The following LRFN5 variants were observed in gnomAD, a reference collection of about 807,000 sequenced individuals.
The protein encoded by LRFN5 is leucine-rich repeat and fibronectin type-III domain-containing protein 5.
Under a neutral mutation model 45.6 loss-of-function variants are expected in LRFN5, and 24 were observed. The ratio of observed to expected loss-of-function variants is 0.53; its 90% CI spans 0.38 to 0.74. The LOEUF (loss-of-function observed/expected upper bound fraction) is 0.74. Among genes scored for constraint, LRFN5 ranks in the 30% least tolerant of loss-of-function variants. The probability of loss-of-function intolerance (pLI) is 0.00; values close to 1 mark genes in which losing one functional copy is unlikely to be tolerated. For synonymous variants in LRFN5, 340 were observed against 313.8 expected, an observed-to-expected ratio of 1.08 and a Z score of -0.88; for missense variants, 776 against 861.5, an observed-to-expected ratio of 0.90 and a Z score of 1.24.
At chr14:41,890,765 A>G (rs1370461923) in intron 3 of LRFN5, among the ~76,000 whole-genome samples, 2 of 151,994 alleles carry the variant, frequency 1.3e-5, no homozygotes, top group East Asian at 1.9e-4. Context: ...GTATATATTT[A>G]CTGGGTGCCA....
At chr14:41,799,143 G>A (rs541649458) in intron 2 of LRFN5, among the ~76,000 whole-genome samples, 131 of 152,084 alleles carry the variant, frequency 8.6e-4, no homozygotes, top group African/African-American at 2.8e-3. Context: ...ATTGACTAGT[G>A]AACTTAGCTC....
rs568964983 is a variant in LRFN5 at position 41,660,218 on chromosome 14, G to T, written c.-197+51656G>T. Reference sequence around the variant, plus strand: ...TTTTTGTATTTTTAATAGTGAGGAGGTTTCTTCATGTTAGCCTGGCTGGTC... The same window carrying T: ...TTTTTGTATTTTTAATAGTGAGGAGTTTTCTTCATGTTAGCCTGGCTGGTC... On this transcript the variant is annotated intron_variant, in intron 1 of 5. Transcript: ENST00000298119. 1.3e-5 allele frequency among the ~76,000 whole-genome samples: 2 copies of T among 152,034 alleles called. 1 individual carries two copies. Among genetic ancestry groups the T allele is most frequent in the South Asian group, 4.2e-4 (2 of 4,812 alleles).
At chr14:41,856,064 G>A (rs1660420866) in intron 2 of LRFN5, among the ~76,000 whole-genome samples, 1 of 152,116 alleles carries the variant, frequency 6.6e-6, no homozygotes. Context: ...AAGGAGTTAA[G>A]TTTAACATCA....
intron 2 of LRFN5, among the ~76,000 whole-genome samples, chr14:41,789,360 C>A (rs1886838136): frequency 6.6e-6 from 1 of 151,904 alleles, no homozygotes; most frequent in Admixed American, 6.6e-5. Context: ...GATTAGATCA[C>A]ATGGAGGATT....
At chr14:41,659,806 T>C (rs959735151) in intron 1 of LRFN5, among the ~76,000 whole-genome samples, 2 of 152,144 alleles carry the variant, frequency 1.3e-5, no homozygotes, top group Non-Finnish European at 2.9e-5. Flanking sequence ...TGGCCAATGA[T>C]GATGAGCTTT....
chr14:41,772,191 G>C (rs1035644791), intron 2 of LRFN5, among the ~76,000 whole-genome samples: 19 of 152,080 alleles, frequency 1.2e-4, no homozygotes, highest in African/African-American at 4.6e-4. Context: ...CATCACCAAG[G>C]AGATAGCACT....
intron 1 of LRFN5, among the ~76,000 whole-genome samples, chr14:41,697,820 G>A (rs931058024): frequency 2.6e-5 from 4 of 151,720 alleles, no homozygotes; most frequent in African/African-American, 9.7e-5. Context: ...ATTTTATGTA[G>A]TTGATAATGT....
chr14:41,779,677 G>T (rs1886413698), intron 2 of LRFN5, among the ~76,000 whole-genome samples: 1 of 151,828 alleles, frequency 6.6e-6, no homozygotes, highest in South Asian at 2.1e-4. Flanking sequence ...CAGATTATCT[G>T]ACTCTCTTGG....
At chr14:41,724,204 A>G (rs1883838821) in intron 1 of LRFN5, among the ~76,000 whole-genome samples, 1 of 152,158 alleles carries the variant, frequency 6.6e-6, no homozygotes, top group African/African-American at 2.4e-5. Context: ...CTTTCTCAAA[A>G]TACAACTGAC....
chr14:41,778,363 T>C (rs1427331893), intron 2 of LRFN5, among the ~76,000 whole-genome samples: 2 of 151,680 alleles, frequency 1.3e-5, no homozygotes, highest in African/African-American at 4.8e-5. Context: ...TGTAATTGGC[T>C]TATCTTCTTC....
At chr14:41,736,116 T>C (rs184528569) in intron 1 of LRFN5, among the ~76,000 whole-genome samples, 1 of 152,300 alleles carries the variant, frequency 6.6e-6, no homozygotes, top group Admixed American at 6.5e-5. Flanking sequence ...TTTGGTTATA[T>C]ACCCAGCAAT....
In LRFN5 at chr14:41,887,442, T is replaced by A. The variant is rs1566505852; in HGVS notation, c.817T>A (p.Tyr273Asn). ...CASPPLLTGR[Y>N]FWSIPEEEFL... is the part of the protein sequence containing the mutation. ...TTCTCCTCCACTTTTAACTGGCCGCTACTTTTGGTCAATTCCTGAAGAAGA... is the reference window on the plus strand; with the variant it reads ...TTCTCCTCCACTTTTAACTGGCCGCAACTTTTGGTCAATTCCTGAAGAAGA... Residue 273 changes from tyrosine to asparagine, a missense_variant, in exon 3 of 6, where the codon TAC becomes AAC. By Grantham distance (143) the Tyr-to-Asn change is moderately radical (BLOSUM62 -2). Transcript: ENST00000298119. This position sits in a 1 kb window ranked among gnomAD's most constrained non-coding sequence, Gnocchi z 4.8. 1 of 1,614,180 alleles carries A rather than the reference T, an allele frequency of 6.2e-7. No individual in the cohort carries two copies. The highest frequency in any genetic ancestry group is 1.7e-5 in the Admixed American group (1 of 60,026).
At chr14:41,673,827 G>A (rs1355393027) in intron 1 of LRFN5, among the ~76,000 whole-genome samples, 2 of 148,892 alleles carry the variant, frequency 1.3e-5, no homozygotes, top group South Asian at 4.3e-4. Context: ...TCCCGGATGG[G>A]GCAGATGGCC....
intron 2 of LRFN5, among the ~76,000 whole-genome samples, chr14:41,823,580 C>A: frequency 6.6e-6 from 1 of 152,036 alleles, no homozygotes; most frequent in South Asian, 2.1e-4. Flanking sequence ...AGGACTTTTT[C>A]TTTCACATTC....
At position 41,706,662 on chromosome 14, in the gene LRFN5, A is replaced by G. The variant is rs141084042; in HGVS notation, c.-196-60192A>G. Among the ~76,000 whole-genome samples, 589 of 152,198 alleles carry G rather than the reference A, an allele frequency of 3.9e-3. 4 individuals carry two copies. The highest frequency in any genetic ancestry group is 6.2e-3 in the Non-Finnish European group (420 of 68,000). On this transcript the variant is annotated intron_variant, in intron 1 of 5. Transcript: ENST00000298119. ...GTCTATGTGATGGATGTTATCTAATATCTTAGTGTTGTTTTAATTTTATAT... is the reference window on the plus strand; with the variant it reads ...GTCTATGTGATGGATGTTATCTAATGTCTTAGTGTTGTTTTAATTTTATAT...
chr14:41,865,220 G>A (rs1889797402), intron 2 of LRFN5, among the ~76,000 whole-genome samples: 1 of 151,936 alleles, frequency 6.6e-6, no homozygotes, highest in African/African-American at 2.4e-5. Context: ...ATACTCATCA[G>A]AACCACTCCC....
chr14:41,773,797 C>A (rs1169499687), intron 2 of LRFN5, among the ~76,000 whole-genome samples: 1 of 152,186 alleles, frequency 6.6e-6, no homozygotes, highest in Non-Finnish European at 1.5e-5. Context: ...AATTTTCTGG[C>A]TTTCAGAGAC....
chr14:41,862,667 G>A (rs999352762), intron 2 of LRFN5, among the ~76,000 whole-genome samples: 1 of 152,134 alleles, frequency 6.6e-6, no homozygotes, highest in Non-Finnish European at 1.5e-5. Flanking sequence ...CAGAGTATGA[G>A]AGTAGATGTT....
chr14:41,624,587 C>T (rs1888258778), intron 1 of LRFN5, among the ~76,000 whole-genome samples: 1 of 151,946 alleles, frequency 6.6e-6, no homozygotes, highest in South Asian at 2.1e-4. Context: ...TTGAGATAAC[C>T]CTAAGTTTCT....
Sources: gnomAD v4.1 joint callset for allele counts (sites outside exome capture counted in the v4.1 genomes callset) on GRCh38, gnomAD v4.1.1 for gene constraint, Gnocchi (gnomAD v3.1) non-coding constraint, MANE v1.5 for transcripts, NCBI Gene and HGNC (gene_info 2026-07-23, HGNC 2026-07-21) for gene names.